The following ASAH2 variants were observed in gnomAD, a reference collection of about 807,000 sequenced individuals.
ASAH2 encodes the protein neutral ceramidase.
In ASAH2, 58 loss-of-function variants were observed where a neutral mutation model predicts 82.9. The ratio of observed to expected loss-of-function variants is 0.70; its 90% CI spans 0.57 to 0.87. ASAH2 has a LOEUF of 0.87. ASAH2 is among the 40% of genes least tolerant of loss of function. ASAH2 has a pLI of 0.00. For synonymous variants in ASAH2, 276 were observed against 289.7 expected (o/e 0.95, Z 0.48); for missense variants, 779 against 834.0 (o/e 0.93, Z 0.81).
chr10:50,241,592 A>G (rs1047447932), intron 4 of ASAH2, among the ~76,000 whole-genome samples: 1 of 152,198 alleles, frequency 6.6e-6, no homozygotes, highest in African/African-American at 2.4e-5. Context: ...TTGCACACAT[A>G]TGTTTATTGT....
intron 1 of ASAH2, among the ~76,000 whole-genome samples, chr10:50,250,128 G>A (rs1490531954): frequency 6.6e-6 from 1 of 152,124 alleles, no homozygotes; most frequent in Non-Finnish European, 1.5e-5. Context: ...ATTCCCGTGT[G>A]CCAAGAGTTT....
chr10:50,206,619 G>A (rs539626842), intron 12 of ASAH2, among the ~76,000 whole-genome samples: 1 of 150,120 alleles, frequency 6.7e-6, no homozygotes, highest in Non-Finnish European at 1.5e-5. Flanking sequence ...TGCATAATCT[G>A]GGGTAAAAGG....
intron 1 of ASAH2, 43 bp from the exon 2 acceptor site, chr10:50,248,689 G>T (rs1363888852): frequency 2.1e-6 from 3 of 1,435,602 alleles, no homozygotes; most frequent in Non-Finnish European, 2.8e-6. Flanking sequence ...AATGCTTTAA[G>T]CCAACCGAGG....
intron 7 of ASAH2, among the ~76,000 whole-genome samples, chr10:50,221,709 T>C (rs905143610): frequency 2.1e-5 from 3 of 144,404 alleles, no homozygotes; most frequent in East Asian, 2.0e-4. Context: ...GATAGATAGA[T>C]AGATAGATAG....
chr10:50,203,531 A>G, intron 15 of ASAH2, 109 bp downstream of exon 15: 2 of 990,846 alleles, frequency 2.0e-6, no homozygotes, highest in Non-Finnish European at 1.6e-6. Flanking sequence ...AACCTTAGCC[A>G]TTAATTTCAA....
chr10:50,212,270 C>T (rs1845476461), intron 10 of ASAH2, among the ~76,000 whole-genome samples: 1 of 151,858 alleles, frequency 6.6e-6, no homozygotes, highest in African/African-American at 2.4e-5. Flanking sequence ...TCAAGGACAT[C>T]TCAGTTCGAG....
intron 4 of ASAH2, among the ~76,000 whole-genome samples, chr10:50,239,449 C>A (rs917150022): frequency 3.9e-5 from 6 of 152,154 alleles, no homozygotes; most frequent in Non-Finnish European, 8.8e-5. Context: ...CTCCTCCCCA[C>A]TCTACCCGCC....
At position 50,243,369 on chromosome 10, in the gene ASAH2, A is replaced by T. The variant is rs534685722; in HGVS notation, c.361-18T>A. The T allele has an allele frequency of 1.1e-5, 17 of 1,613,532 alleles. No individual in the cohort carries two copies. The South Asian group carries it at 1.6e-4, about 16-fold the overall frequency. ...TAGCCCATCTAAAGAGGAAGAGACA[A>T]TCAGAGCTGCTCTGTCTCATTCCCC... On this transcript the variant is annotated intron_variant, in intron 3 of 20. Transcript: ENST00000682911.
At chr10:50,213,975 A>G (rs1564839493) in intron 9 of ASAH2, among the ~76,000 whole-genome samples, 1 of 152,188 alleles carries the variant, frequency 6.6e-6, no homozygotes, top group African/African-American at 2.4e-5. Flanking sequence ...TCTACTGCTC[A>G]TGTCAAAGTT....
chr10:50,204,545 A>T (rs1224641342), intron 14 of ASAH2, among the ~76,000 whole-genome samples: 2 of 152,030 alleles, frequency 1.3e-5, no homozygotes. Context: ...ACCTAATCTG[A>T]TTATTTCAAG....
Position 50,201,991 on chromosome 10 carries a change from A to G in ASAH2, c.1761+838T>C, listed in dbSNP as rs933168125. Among the ~76,000 whole-genome samples, 43 of 152,256 alleles carry G rather than the reference A, an allele frequency of 2.8e-4. 1 individual carries two copies. The highest frequency in any genetic ancestry group is 1.0e-3 in the African/African-American group (42 of 41,572). On this transcript the variant is annotated intron_variant, in intron 16 of 20. Transcript: ENST00000682911. ...AATAATTTGTTTGTTTCCTATATTT[A>G]TAATTGACTGAAATGCTTAATAATA... is the stretch of plus-strand genomic sequence containing the variant.
chr10:50,246,657 A>G (rs537626278), intron 2 of ASAH2, among the ~76,000 whole-genome samples: 1 of 152,358 alleles, frequency 6.6e-6, no homozygotes, highest in South Asian at 2.1e-4. Context: ...TAGTTAATGG[A>G]GAGCATGTGA....
intron 7 of ASAH2, among the ~76,000 whole-genome samples, chr10:50,228,440 T>C (rs1845943168): frequency 6.6e-6 from 1 of 152,172 alleles, no homozygotes; most frequent in Non-Finnish European, 1.5e-5. Flanking sequence ...AATTCAATTA[T>C]TCTGTGTCAA....
intron 8 of ASAH2, among the ~76,000 whole-genome samples, chr10:50,215,629 T>C (rs1845572040): frequency 6.6e-6 from 1 of 152,122 alleles, no homozygotes; most frequent in South Asian, 2.1e-4. Context: ...GTGTTATTTC[T>C]GAGGCCTCTG....
intron 7 of ASAH2, among the ~76,000 whole-genome samples, chr10:50,227,056 A>T (rs1447470730): frequency 6.6e-6 from 1 of 152,228 alleles, no homozygotes; most frequent in Non-Finnish European, 1.5e-5. Context: ...CAAAGTGAGG[A>T]GATACAGAAA....
rs745363908 is a variant in ASAH2 at position 50,243,307 on chromosome 10, G to A, written c.405C>T (p.Thr135=). 3.1e-6 allele frequency: 5 copies of A among 1,614,116 alleles called. No individual in the cohort carries two copies. In the South Asian group the frequency reaches 3.3e-5, roughly 11 times the overall value. ...TGATGAAGGCACGACTGTATAGCCT[G>A]GTGAGGATGCCCTGTGCATTCTGGC... ...KSGQNAQGIL[T]RLYSRAFIMA... Residue 135 remains threonine (T), a synonymous_variant, in exon 4 of 21, where the codon ACC becomes ACT. Transcript: ENST00000682911.
chr10:50,206,117 T>C lies in ASAH2; in HGVS notation c.1415-20A>G, dbSNP rs1196125970. 5.2e-6 allele frequency: 8 copies of C among 1,534,660 alleles called. No homozygotes were observed. Among genetic ancestry groups the C allele is most frequent in the African/African-American group, 2.7e-5 (2 of 73,354 alleles). The stretch of plus-strand genomic sequence containing the variant: ...TTTTCCCTATTAGAAATGTTATAAT[T>C]AGTATACTTCCTTGAACCAACCCTC... On this transcript the variant is annotated intron_variant, in intron 12 of 20. Coordinates refer to ENST00000682911, the MANE Select transcript of ASAH2 (RefSeq NM_019893.4).
At chr10:50,199,392 A>G (rs1213084599) in intron 16 of ASAH2, among the ~76,000 whole-genome samples, 1 of 151,874 alleles carries the variant, frequency 6.6e-6, no homozygotes, top group Non-Finnish European at 1.5e-5. Context: ...CTGTCACTCT[A>G]TTTACTATGA....
At chr10:50,243,169 T>G in intron 4 of ASAH2, 33 bp downstream of exon 4, 2 of 1,610,432 alleles carry the variant, frequency 1.2e-6, no homozygotes, top group Non-Finnish European at 1.7e-6. Flanking sequence ...ACCATATCAT[T>G]TCTTCATTCA....
Sources: gnomAD v4.1 joint callset for allele counts (sites outside exome capture counted in the v4.1 genomes callset) on GRCh38, gnomAD v4.1.1 for gene constraint, MANE v1.5 for transcripts, NCBI Gene and HGNC (gene_info 2026-07-23, HGNC 2026-07-21) for gene names.